TRIM31: variants seen among roughly 807,000 people sequenced by gnomAD.
TRIM31 encodes the protein tripartite motif containing 31.
In TRIM31, 31 loss-of-function variants were observed where a neutral mutation model predicts 40.6. The observed-to-expected ratio is 0.76, with a 90% CI of 0.57 to 1.03. The LOEUF (loss-of-function observed/expected upper bound fraction) is 1.03. TRIM31 is among the 50% of genes least tolerant of loss of function. TRIM31 has a pLI of 0.00. For missense variants in TRIM31, 455 were observed against 497.5 expected (o/e 0.91, Z 0.81); for synonymous variants, 164 against 193.9 (o/e 0.85, Z 1.28).
chr6:30,107,257 T>C (rs1768804722), intron 6 of TRIM31, among the ~76,000 whole-genome samples: 2 of 152,002 alleles, frequency 1.3e-5, no homozygotes, highest in South Asian at 4.2e-4. Context: ...CTTTCCTGTT[T>C]ATGTCTGCCG....
Position 30,102,970 on chromosome 6 carries a change from T to C in TRIM31, c.*566A>G, listed in dbSNP as rs1168686021. 2 of 157,650 alleles carry C rather than the reference T, an allele frequency of 1.3e-5. No individual in the cohort carries two copies. Among genetic ancestry groups the C allele is most frequent in the Admixed American group, 1.2e-4 (2 of 16,404 alleles). 9.8% of individuals were successfully genotyped at this position (157,650 alleles called of 1,614,324 possible). A position where few individuals can be genotyped will look rare whatever the true frequency, so the allele number is the denominator to read the frequency against. ...CCCCTACAGAGGCTTGCGTGGTGGT[T>C]CCAGTCTGCTAAATATTTCAGAATG... On this transcript the variant is annotated 3_prime_UTR_variant, in exon 9 of 9. Coordinates refer to ENST00000376734, the MANE Select transcript of TRIM31 (RefSeq NM_007028.5).
chr6:30,112,556 A>G lies in TRIM31; in HGVS notation c.250T>C (p.Ser84Pro). ...TCTTTCCTTTTGGACTGCACCTCAG[A>G]GGCTTGTAGAGCTTGGATTTTCTCC... ...LVEKIQALQA[S>P]EVQSKRKEAT... is the part of the protein sequence containing the mutation. Residue 84 changes from serine to proline, a missense_variant, in exon 2 of 9, where the codon TCT becomes CCT. Physicochemically the swap from Ser to Pro is moderately conservative, Grantham distance 74 (BLOSUM62 -1). Coordinates refer to ENST00000376734, the MANE Select transcript of TRIM31 (RefSeq NM_007028.5). 2 of 1,613,114 alleles carry G rather than the reference A, an allele frequency of 1.2e-6. No individual in the cohort carries two copies. The highest frequency in any genetic ancestry group is 1.7e-6 in the Non-Finnish European group (2 of 1,180,032).
Position 30,106,967 on chromosome 6 carries a change from G to A in TRIM31, c.883+1086C>T, listed in dbSNP as rs963493647. Among the ~76,000 whole-genome samples, 6 of 152,282 alleles carry A rather than the reference G, an allele frequency of 3.9e-5. No homozygotes were observed. In the South Asian group the frequency reaches 1.0e-3, roughly 26 times the overall value. ...TACAAAAAACTAGCTGGGCATGGTGGTGTGCGCCTGTAACACCAGCGACTT... is the reference window on the plus strand; with the variant it reads ...TACAAAAAACTAGCTGGGCATGGTGATGTGCGCCTGTAACACCAGCGACTT... On this transcript the variant is annotated intron_variant, in intron 6 of 8. Coordinates refer to ENST00000376734, the MANE Select transcript of TRIM31 (RefSeq NM_007028.5).
intron 6 of TRIM31, among the ~76,000 whole-genome samples, chr6:30,107,382 A>G (rs1768823965): frequency 1.4e-5 from 2 of 142,026 alleles, no homozygotes; most frequent in African/African-American, 5.1e-5. Flanking sequence ...GGGGTGGGGG[A>G]GGTGGGTGTG....
intron 7 of TRIM31, among the ~76,000 whole-genome samples, chr6:30,104,696 A>G (rs1768510581): frequency 6.6e-6 from 1 of 152,248 alleles, no homozygotes; most frequent in Non-Finnish European, 1.5e-5. Flanking sequence ...AGATGCGCAC[A>G]TAGTGGTCCT....
intron 6 of TRIM31, among the ~76,000 whole-genome samples, chr6:30,105,813 A>G (rs1768622282): frequency 6.6e-6 from 1 of 152,246 alleles, no homozygotes; most frequent in Admixed American, 6.5e-5. Context: ...GGTGCTCAGG[A>G]CAAAGAGTGC....
intron 8 of TRIM31, 139 bp from the exon 9 acceptor site, chr6:30,103,928 T>G: frequency 7.0e-7 from 1 of 1,431,478 alleles, no homozygotes; most frequent in South Asian, 1.3e-5. Flanking sequence ...CCTGAACAAG[T>G]CGGAGCGCCC....
rs1216264438 is a variant in TRIM31 at position 30,103,058 on chromosome 6, G to A, written c.*478C>T. 4 of 174,038 alleles carry A rather than the reference G, an allele frequency of 2.3e-5. No homozygotes were observed. Among genetic ancestry groups the A allele is most frequent in the Admixed American group, 2.3e-4 (4 of 17,738 alleles). 10.8% of individuals were successfully genotyped at this position (174,038 alleles called of 1,614,324 possible). ...TAATTAATTTCCCTTGCTGATATGA[G>A]GGGTTGGGAGAGAAGGGGGACGTGG... On this transcript the variant is annotated 3_prime_UTR_variant, in exon 9 of 9. Coordinates refer to ENST00000376734, the MANE Select transcript of TRIM31 (RefSeq NM_007028.5).
In TRIM31 at chr6:30,103,588, C is replaced by T. The variant is rs1372360250; in HGVS notation, c.1226G>A (p.Ser409Asn). The T allele has an allele frequency of 1.9e-6, 3 of 1,613,112 alleles. No individual in the cohort carries two copies. The highest frequency in any genetic ancestry group is 4.5e-5 in the East Asian group (2 of 44,878). The part of the protein sequence containing the change: ...ALSEELHAAL[S>N]EWLTAIRAWF... Reference sequence around the variant, plus strand: ...AGCCCGGATCGCTGTCAGCCACTCACTCAGTGCCGCATGGAGCTCCTCGGA... The same window carrying T: ...AGCCCGGATCGCTGTCAGCCACTCATTCAGTGCCGCATGGAGCTCCTCGGA... The change falls in exon 9 of 9, where the codon AGT becomes AAT. Residue 409 changes from serine to asparagine, a missense_variant. Physicochemically the swap from Ser to Asn is conservative, Grantham distance 46. Coordinates refer to ENST00000376734, the MANE Select transcript of TRIM31 (RefSeq NM_007028.5).
chr6:30,108,968 T>A (rs1769022823), intron 5 of TRIM31, 58 bp downstream of exon 5: 1 of 1,573,580 alleles, frequency 6.4e-7, no homozygotes. Flanking sequence ...GGATATACGC[T>A]GAGAATTGTG....
rs747995028 is a variant in TRIM31, at chr6:30,111,656, C to T, written c.505G>A (p.Val169Ile). 10 of 1,614,162 alleles carry T rather than the reference C, an allele frequency of 6.2e-6. No individual in the cohort carries two copies. The highest frequency in any genetic ancestry group is 8.5e-6 in the Non-Finnish European group (10 of 1,180,018). ...VKAQGVHRVDVFTDQVEHEKQ... is the reference protein window; with the variant it reads ...VKAQGVHRVDIFTDQVEHEKQ... ...GATGGAGTTTTTCTTACCGTGAAGA[C>T]ATCGACCCTGTGTACACCTTGTGCC... The change falls in exon 3 of 9, where the codon GTC (valine) becomes ATC (isoleucine). Residue 169 changes from valine to isoleucine, a missense_variant. Coordinates refer to ENST00000376734, the MANE Select transcript of TRIM31 (RefSeq NM_007028.5).
intron 4 of TRIM31, among the ~76,000 whole-genome samples, chr6:30,110,024 G>A (rs1769129757): frequency 3.1e-5 from 2 of 63,640 alleles, no homozygotes; most frequent in Non-Finnish European, 5.9e-5. Flanking sequence ...CAAAGACTCA[G>A]TGTAAAAAAA....
At chr6:30,110,978 G>A (rs115422540) in intron 3 of TRIM31, among the ~76,000 whole-genome samples, 1,687 of 150,124 alleles carry the variant, frequency 0.011, 26 homozygotes, top group African/African-American at 0.034. Flanking sequence ...TTCCTTTCAC[G>A]CACACAGGAA....
At chr6:30,110,920 T>TA in intron 3 of TRIM31, among the ~76,000 whole-genome samples, 1 of 152,312 alleles carries the variant, frequency 6.6e-6, no homozygotes, top group Middle Eastern at 3.4e-3. Flanking sequence ...AACTGTCTAA[T>TA]ACAATTCCAG....
At chr6:30,105,363 C>G in intron 6 of TRIM31, 121 bp from the exon 7 acceptor site, 2 of 730,562 alleles carry the variant, frequency 2.7e-6, no homozygotes, top group South Asian at 1.8e-5. Context: ...GCATTTGACT[C>G]TCATATTCTT....
chr6:30,111,931 C>T (rs1769373328), intron 2 of TRIM31, 188 bp from the exon 3 acceptor site: 4 of 615,534 alleles, frequency 6.5e-6, no homozygotes, highest in Non-Finnish European at 1.1e-5. Flanking sequence ...GCCTAAGTGA[C>T]CTAAATGACC....
At chr6:30,107,847 G>A in intron 6 of TRIM31, 1 of 547,858 alleles carries the variant, frequency 1.8e-6, no homozygotes, top group South Asian at 2.1e-5. Context: ...CAGGGAGGCA[G>A]ATAAATAACA....
At position 30,104,117 on chromosome 6, in the gene TRIM31, C is replaced by T. The variant is rs1193497449; in HGVS notation, c.1009G>A (p.Gly337Arg). The T allele has an allele frequency of 4.3e-6, 7 of 1,613,012 alleles. No homozygotes were observed. Among genetic ancestry groups the T allele is most frequent in the Non-Finnish European group, 5.9e-6 (7 of 1,180,012 alleles). Residue 337 changes from glycine (G) to arginine (R), a missense_variant, in exon 8 of 9, where the codon GGG (glycine) becomes AGG (arginine). By Grantham distance (125) the Gly-to-Arg change is moderately radical. Transcript: ENST00000376734. ...GGACTCTTACCTGCAGAAGATGACC[C>T]GGGCTCTGAGGTTTTGTTCATTTTA... ...NHKMNKTSEP[G>R]SSSAGGRTTS...
chr6:30,108,607 A>G, intron 5 of TRIM31: 1 of 242,866 alleles, frequency 4.1e-6, no homozygotes, highest in Non-Finnish European at 7.8e-6. Flanking sequence ...GTTAAGGGAT[A>G]GTGAGCTGGG....
Sources: allele counts gnomAD v4.1 joint callset (sites outside exome capture counted in the v4.1 genomes callset), GRCh38; gene constraint gnomAD v4.1.1; transcripts MANE v1.5; gene names NCBI Gene and HGNC (gene_info 2026-07-23, HGNC 2026-07-21).